The following HABP2 variants were observed in gnomAD, a reference collection of about 807,000 sequenced individuals.
HABP2 encodes factor VII-activating protease.
A neutral mutation model predicts 66.5 loss-of-function variants in HABP2; 65 were observed. The observed-to-expected ratio is 0.98, with a 90% CI of 0.80 to 1.20. HABP2 has a LOEUF of 1.20. HABP2 is among the 50% of genes most tolerant of loss of function. The probability of loss-of-function intolerance (pLI) is 0.00; values close to 1 mark genes in which losing one functional copy is unlikely to be tolerated. For missense variants in HABP2, 786 were observed against 691.0 expected (o/e 1.14, Z -1.54); for synonymous variants, 263 against 253.9 (o/e 1.04, Z -0.34).
intron 3 of HABP2, among the ~76,000 whole-genome samples, chr10:113,574,846 C>T (rs753549284): frequency 6.6e-6 from 1 of 152,176 alleles, no homozygotes; most frequent in Admixed American, 6.5e-5. Flanking sequence ...TTCCTTCCCT[C>T]ATGCCTTTGC....
At chr10:113,581,812 T>G in intron 8 of HABP2, 64 bp from the exon 9 acceptor site, 260 of 1,548,540 alleles carry the variant, frequency 1.7e-4, no homozygotes, top group Non-Finnish European at 2.1e-4. Context: ...TACCTCTGCC[T>G]GAGCCCTGCT....
rs2133792722 is a variant in HABP2 at position 113,588,262 on chromosome 10, A to C, written c.1576A>C (p.Ile526Leu). ...EKDGTYYVYG[I>L]VSWGLECGKR... ...GGACGGCACCTACTACGTCTATGGG[A>C]TAGTGAGCTGGGGCCTGGAGTGTGG... The change falls in exon 13 of 13, where the codon ATA (isoleucine) becomes CTA (leucine). Residue 526 changes from isoleucine (I) to leucine (L), a missense_variant. By Grantham distance (5) the Ile-to-Leu change is conservative. Coordinates refer to ENST00000351270, the MANE Select transcript of HABP2 (RefSeq NM_004132.5). 1.9e-6 allele frequency: 3 copies of C among 1,613,776 alleles called. No homozygotes were observed. Among genetic ancestry groups the C allele is most frequent in the East Asian group, 2.2e-5 (1 of 44,878 alleles).
Position 113,573,090 on chromosome 10 carries a change from G to A in HABP2, c.107-1199G>A, listed in dbSNP as rs142106555. Among the ~76,000 whole-genome samples, 22 of 152,234 alleles carry A rather than the reference G, an allele frequency of 1.4e-4. No homozygotes were observed. In the East Asian group the frequency reaches 2.7e-3, roughly 19 times the overall value. On this transcript the variant is annotated intron_variant, in intron 2 of 12. Transcript: ENST00000351270. Reference sequence around the variant, plus strand: ...TCAAGTCAGCTATCTGCATTTGCTCGCGCCTCATTATCATATGCATCTCTG... The same window carrying A: ...TCAAGTCAGCTATCTGCATTTGCTCACGCCTCATTATCATATGCATCTCTG...
chr10:113,579,094 CA>C lies in HABP2; in HGVS notation c.740+312del, dbSNP rs11327736. Among the ~76,000 whole-genome samples the C allele has an allele frequency of 0.1, 12,774 of 126,830 alleles. 592 individuals carry two copies. Among genetic ancestry groups the C allele is most frequent in the East Asian group, 0.23 (1,005 of 4,402 alleles). 83.2% of individuals were successfully genotyped at this position (126,830 alleles called of 152,430 possible). On this transcript the variant is annotated intron_variant, in intron 7 of 12. Coordinates refer to ENST00000351270, the MANE Select transcript of HABP2 (RefSeq NM_004132.5). The stretch of plus-strand genomic sequence containing the variant: ...CAAAATGGCAAAACCCCGTCTCTAC[CA>C]AAAAAAAAAAAAAAATAGCTGAATG...
At chr10:113,587,600 T>C (rs932650) in intron 12 of HABP2, among the ~76,000 whole-genome samples, 54,927 of 152,020 alleles carry the variant, frequency 0.36, 10,144 homozygotes, top group Admixed American at 0.46. Context: ...TATTAAGTTT[T>C]TGAGAGCTAT....
chr10:113,571,680 T>A (rs989429043), intron 2 of HABP2, among the ~76,000 whole-genome samples: 3 of 152,152 alleles, frequency 2.0e-5, no homozygotes, highest in Non-Finnish European at 4.4e-5. Context: ...ACTGTGGAAC[T>A]TGAGGGCGCC....
upstream of HABP2, among the ~76,000 whole-genome samples, chr10:113,552,498 A>G (rs990746274): frequency 6.6e-6 from 1 of 152,226 alleles, no homozygotes; most frequent in African/African-American, 2.4e-5. Context: ...AAAAATAATT[A>G]AAAAGTAAAA....
At chr10:113,560,932 G>A (rs748210935) in intron 1 of HABP2, among the ~76,000 whole-genome samples, 10 of 152,202 alleles carry the variant, frequency 6.6e-5, no homozygotes, top group Non-Finnish European at 1.0e-4. Context: ...AAAGTTTGGG[G>A]ATTAGAGAGT....
In HABP2 at chr10:113,581,261, A is replaced by T. The variant is rs1056015172; in HGVS notation, c.838+569A>T. ...TGTCCATATACAACTATTCTTTGAGAACCAACTCAAATATCCCCTCCTCCA... is the reference window on the plus strand; with the variant it reads ...TGTCCATATACAACTATTCTTTGAGTACCAACTCAAATATCCCCTCCTCCA... On this transcript the variant is annotated intron_variant, in intron 8 of 12. Transcript: ENST00000351270. 2.0e-5 allele frequency among the ~76,000 whole-genome samples: 3 copies of T among 152,176 alleles called. No individual in the cohort carries two copies. The South Asian group carries it at 6.2e-4, about 32-fold the overall frequency.
At chr10:113,577,357 T>A (rs1044916266) in intron 5 of HABP2, 91 bp downstream of exon 5, 6 of 740,396 alleles carry the variant, frequency 8.1e-6, no homozygotes, top group Non-Finnish European at 1.5e-5. Flanking sequence ...GCATCTGATG[T>A]TTTTGTGGCA....
chr10:113,566,057 T>C (rs1301379489), intron 1 of HABP2, among the ~76,000 whole-genome samples: 3 of 152,216 alleles, frequency 2.0e-5, no homozygotes, highest in Non-Finnish European at 4.4e-5. Flanking sequence ...TAAGGAAGCC[T>C]ACAGTAAAAC....
rs923305396 is a variant in HABP2, at chr10:113,578,242, C to A, written c.568+97C>A. 3.0e-6 allele frequency: 4 copies of A among 1,319,394 alleles called. No homozygotes were observed. The African/African-American group carries it at 5.8e-5, about 19-fold the overall frequency. The allele number at this position is 1,319,394 out of a possible 1,614,324, so 81.7% of individuals were successfully genotyped here. On this transcript the variant is annotated intron_variant, in intron 6 of 12. Coordinates refer to ENST00000351270, the MANE Select transcript of HABP2 (RefSeq NM_004132.5). ...CAGAATGTGGTTCAAATCAAGTTTC[C>A]CAAACTCGACTATTGCCTCAGCCTT... is the stretch of plus-strand genomic sequence containing the variant.
intron 1 of HABP2, among the ~76,000 whole-genome samples, chr10:113,566,351 C>T (rs1845197700): frequency 6.6e-6 from 1 of 152,380 alleles, no homozygotes; most frequent in African/African-American, 2.4e-5. Flanking sequence ...CTAGGCTTGG[C>T]CCAAGGGCCC....
chr10:113,575,962 T>C lies in HABP2; in HGVS notation c.289T>C (p.Cys97Arg), dbSNP rs1273262213. 2 of 1,611,068 alleles carry C rather than the reference T, an allele frequency of 1.2e-6. No individual in the cohort carries two copies. The highest frequency in any genetic ancestry group is 4.5e-5 in the East Asian group (2 of 44,848). ...CCTCGTCCATGGGAGCACCTTCACA[T>C]GCAGCTGCCTGGCTCCTTTCTCTGG... ...DCLVHGSTFT[C>R]SCLAPFSGNK... is the part of the protein sequence containing the mutation. Residue 97 changes from cysteine (C) to arginine (R), a missense_variant, in exon 4 of 13, where the codon TGC becomes CGC. Coordinates refer to ENST00000351270, the MANE Select transcript of HABP2 (RefSeq NM_004132.5).
At chr10:113,563,983 T>C (rs1845148716) in intron 1 of HABP2, among the ~76,000 whole-genome samples, 1 of 152,142 alleles carries the variant, frequency 6.6e-6, no homozygotes, top group Non-Finnish European at 1.5e-5. Flanking sequence ...CCTTTGTCCT[T>C]GAAGTCTTAG....
At chr10:113,555,709 A>C (rs896705212) in intron 1 of HABP2, among the ~76,000 whole-genome samples, 2 of 152,048 alleles carry the variant, frequency 1.3e-5, no homozygotes, top group African/African-American at 4.8e-5. Context: ...TTTTCCTAAC[A>C]TATCATTTTT....
intron 1 of HABP2, among the ~76,000 whole-genome samples, chr10:113,559,458 A>G (rs139732298): frequency 1.2e-3 from 184 of 152,278 alleles, no homozygotes; most frequent in Middle Eastern, 3.4e-3. Flanking sequence ...GAGAGACTCA[A>G]CAAATTGCAC....
At chr10:113,576,258 C>T (rs1268428790) in intron 4 of HABP2, among the ~76,000 whole-genome samples, 1 of 152,134 alleles carries the variant, frequency 6.6e-6, no homozygotes, top group Admixed American at 6.5e-5. Flanking sequence ...TGGACTCTAA[C>T]CAAGATATAT....
At position 113,584,243 on chromosome 10, in the gene HABP2, A is replaced by T. The variant is rs947184761; in HGVS notation, c.1333A>T (p.Ser445Cys). The change falls in exon 11 of 13, where the codon AGT becomes TGT. Residue 445 changes from serine to cysteine, a missense_variant. Ser to Cys is a moderately radical substitution (Grantham distance 112). Coordinates refer to ENST00000351270, the MANE Select transcript of HABP2 (RefSeq NM_004132.5). ...CLPDGSFPSGSECHISGWGVT... is the reference protein window; with the variant it reads ...CLPDGSFPSGCECHISGWGVT... ...GCCTGATGGGTCCTTTCCCTCTGGG[A>T]GTGAGTGCCACATCTCTGGCTGGGG... is the stretch of plus-strand genomic sequence containing the variant. The T allele has an allele frequency of 1.2e-6, 2 of 1,613,820 alleles. No individual in the cohort carries two copies. The highest frequency in any genetic ancestry group is 1.7e-6 in the Non-Finnish European group (2 of 1,179,792).
Sources: gnomAD v4.1 joint callset for allele counts (sites outside exome capture counted in the v4.1 genomes callset) on GRCh38, gnomAD v4.1.1 for gene constraint, MANE v1.5 for transcripts, NCBI Gene and HGNC (gene_info 2026-07-23, HGNC 2026-07-21) for gene names.